INTS4: variants seen among roughly 807,000 people sequenced by gnomAD.
INTS4 encodes MSTP093.
INTS4 carries 70 observed loss-of-function variants against 119.5 expected under a neutral mutation model. The ratio of observed to expected loss-of-function variants is 0.59; its 90% CI spans 0.48 to 0.71. INTS4 has a LOEUF of 0.71. Among genes scored for constraint, INTS4 ranks in the 30% least tolerant of loss-of-function variants. The pLI is 0.00. For synonymous variants in INTS4, 316 were observed against 419.6 expected, an observed-to-expected ratio of 0.75 and a Z score of 3.02; for missense variants, 867 against 1,173.2, an observed-to-expected ratio of 0.74 and a Z score of 3.81.
intron 8 of INTS4, among the ~76,000 whole-genome samples, chr11:77,953,835 C>T (rs1311489674): frequency 2.0e-5 from 3 of 151,776 alleles, no homozygotes; most frequent in Non-Finnish European, 4.4e-5. Context: ...TTGCCCGCTT[C>T]GGCCTCCCAA....
In INTS4 at chr11:77,891,674, C is replaced by T; in HGVS notation, c.2448+7G>A. On this transcript the variant is annotated splice_region_variant and intron_variant, in intron 20 of 22. Transcript: ENST00000534064. Reference sequence around the variant, plus strand: ...ATTTGGCCTACAGGGGCCAAATAGACCCTGACCTGCTCTGGAAGCGGGAGA... The same window carrying T: ...ATTTGGCCTACAGGGGCCAAATAGATCCTGACCTGCTCTGGAAGCGGGAGA... The T allele has an allele frequency of 7.4e-6, 12 of 1,611,876 alleles. No individual in the cohort carries two copies. Among genetic ancestry groups the T allele is most frequent in the South Asian group, 1.1e-5 (1 of 90,962 alleles).
intron 22 of INTS4, among the ~76,000 whole-genome samples, chr11:77,883,298 A>C (rs1479646384): frequency 6.6e-6 from 1 of 152,100 alleles, no homozygotes; most frequent in Non-Finnish European, 1.5e-5. Context: ...GGTCTTCTTA[A>C]GTTTTTTAAA....
chr11:77,888,482 C>T (rs1158626610), intron 21 of INTS4, among the ~76,000 whole-genome samples: 1 of 152,142 alleles, frequency 6.6e-6, no homozygotes, highest in Non-Finnish European at 1.5e-5. Flanking sequence ...TAGAAGAAAA[C>T]CTAGACAATA....
intron 3 of INTS4, among the ~76,000 whole-genome samples, 179 bp from the exon 4 acceptor site, chr11:77,979,281 G>A (rs923167063): frequency 2.6e-5 from 4 of 152,026 alleles, no homozygotes; most frequent in Admixed American, 6.6e-5. Flanking sequence ...GACGAGCCTG[G>A]GCAACATAGG....
At chr11:77,887,961 G>A (rs1467336034) in intron 21 of INTS4, among the ~76,000 whole-genome samples, 5 of 152,172 alleles carry the variant, frequency 3.3e-5, no homozygotes, top group Non-Finnish European at 2.9e-5. Context: ...ATGCTCATGG[G>A]TAGGAAGAAT....
At chr11:77,947,232 A>T (rs539439525) in intron 8 of INTS4, among the ~76,000 whole-genome samples, 2 of 152,290 alleles carry the variant, frequency 1.3e-5, no homozygotes, top group African/African-American at 4.8e-5. Context: ...GGCACAGAAA[A>T]CCCATTTGAT....
intron 8 of INTS4, among the ~76,000 whole-genome samples, chr11:77,943,013 A>G (rs1347139885): frequency 1.3e-5 from 2 of 152,154 alleles, no homozygotes; most frequent in African/African-American, 2.4e-5. Flanking sequence ...TTAAATCCAA[A>G]CAACAATTTT....
chr11:77,904,925 G>C (rs967164952), intron 16 of INTS4, among the ~76,000 whole-genome samples: 9 of 152,200 alleles, frequency 5.9e-5, no homozygotes, highest in Admixed American at 5.2e-4. Context: ...ATGCGTATGA[G>C]TGCCAAGCTG....
Position 77,904,586 on chromosome 11 carries a change from TG to T in INTS4, c.2017-967del, listed in dbSNP as rs1334417500. ...ACTTTTTGAGTGCTCAAGAGTCCCA[TG>T]TATCTGGTGGCTATCAAATTAAACA... On this transcript the variant is annotated intron_variant, in intron 16 of 22. Transcript: ENST00000534064. Among the ~76,000 whole-genome samples the T allele has an allele frequency of 2.6e-4, 40 of 152,340 alleles. No individual in the cohort carries two copies. In the Middle Eastern group the frequency reaches 0.01, roughly 39 times the overall value.
chr11:77,915,812 T>A (rs1158709895), intron 15 of INTS4, among the ~76,000 whole-genome samples: 1 of 152,228 alleles, frequency 6.6e-6, no homozygotes, highest in African/African-American at 2.4e-5. Flanking sequence ...TCAGATTCCC[T>A]TGAGCTAGGT....
At chr11:77,960,130 C>G (rs1365756486) in intron 6 of INTS4, among the ~76,000 whole-genome samples, 1 of 152,050 alleles carries the variant, frequency 6.6e-6, no homozygotes, top group Non-Finnish European at 1.5e-5. Flanking sequence ...TCCTAAAAGT[C>G]CTTTTCACAT....
intron 10 of INTS4, among the ~76,000 whole-genome samples, chr11:77,932,115 T>C (rs1322406194): frequency 6.6e-6 from 1 of 152,182 alleles, no homozygotes; most frequent in Non-Finnish European, 1.5e-5. Context: ...AAAGAGCTTC[T>C]GCACAGCAAA....
chr11:77,902,391 C>T (rs1014343415), intron 17 of INTS4, among the ~76,000 whole-genome samples: 1 of 152,114 alleles, frequency 6.6e-6, no homozygotes, highest in Non-Finnish European at 1.5e-5. Flanking sequence ...GCTCAATTAT[C>T]GGGTTCTAGT....
chr11:77,944,481 A>G (rs1265356433), intron 8 of INTS4, among the ~76,000 whole-genome samples: 1 of 152,196 alleles, frequency 6.6e-6, no homozygotes, highest in African/African-American at 2.4e-5. Context: ...AACTCAGTTC[A>G]GAGATCAGCT....
chr11:77,949,886 T>G (rs555457027), intron 8 of INTS4, among the ~76,000 whole-genome samples: 7 of 152,162 alleles, frequency 4.6e-5, no homozygotes, highest in Non-Finnish European at 8.8e-5. Flanking sequence ...CAAAGGATTA[T>G]AAATCATTCT....
intron 6 of INTS4, 114 bp from the exon 7 acceptor site, chr11:77,958,948 T>C: frequency 1.5e-6 from 1 of 688,476 alleles, no homozygotes; most frequent in South Asian, 1.6e-5. Flanking sequence ...AAAACACTTG[T>C]GTGTGGTTTT....
At chr11:77,950,395 G>A (rs978042734) in intron 8 of INTS4, among the ~76,000 whole-genome samples, 2 of 151,846 alleles carry the variant, frequency 1.3e-5, no homozygotes, top group African/African-American at 4.8e-5. Context: ...GAGGCAGAGA[G>A]TATAACAGTG....
chr11:77,984,819 T>C (rs1856387525), intron 2 of INTS4, among the ~76,000 whole-genome samples: 1 of 145,748 alleles, frequency 6.9e-6, no homozygotes, highest in Admixed American at 7.1e-5. Flanking sequence ...GAGGTTTCAG[T>C]GAACCATGAT....
intron 2 of INTS4, among the ~76,000 whole-genome samples, chr11:77,989,044 C>T (rs563407578): frequency 6.6e-6 from 1 of 151,866 alleles, no homozygotes; most frequent in African/African-American, 2.4e-5. Context: ...TAACTTTATT[C>T]ATTAGGGTTA....
Sources: gnomAD v4.1 joint callset for allele counts (sites outside exome capture counted in the v4.1 genomes callset) on GRCh38, gnomAD v4.1.1 for gene constraint, MANE v1.5 for transcripts, NCBI Gene and HGNC (gene_info 2026-07-23, HGNC 2026-07-21) for gene names.